The following CACTIN variants were observed in gnomAD, a reference collection of about 807,000 sequenced individuals.
The protein encoded by CACTIN is cactin, spliceosome C complex subunit.
Under a neutral mutation model 84.9 loss-of-function variants are expected in CACTIN, and 20 were observed. The ratio of observed to expected loss-of-function variants is 0.24; its 90% confidence interval spans 0.17 to 0.34. The LOEUF is 0.34. Among genes scored for constraint, CACTIN ranks in the 10% least tolerant of loss-of-function variants. The pLI, the probability that CACTIN is intolerant of heterozygous loss-of-function variation, is 1.00. For synonymous variants in CACTIN, 549 were observed against 467.9 expected, an observed-to-expected ratio of 1.17 and a Z score of -2.24; for missense variants, 897 against 1,117.2, an observed-to-expected ratio of 0.80 and a Z score of 2.81.
At chr19:3,621,098 G>A (rs1383908984) in intron 2 of CACTIN, 2 of 503,430 alleles carry the variant, frequency 4.0e-6, no homozygotes, top group Non-Finnish European at 7.3e-6. Context: ...GGAGGGCCTT[G>A]CTCGGGGCCA....
Position 3,611,077 on chromosome 19 carries a change from C to T in CACTIN, c.*846G>A, listed in dbSNP as rs1286462861. ...GTGAGCAGGCCAGGTGGGGGGATCC[C>T]TGGGGGAAGCCCCTCACCCTTCTCC... On this transcript the variant is annotated 3_prime_UTR_variant, in exon 10 of 10. Transcript: ENST00000429344. 6.7e-5 allele frequency: 27 copies of T among 400,564 alleles called. No homozygotes were observed. The highest frequency in any genetic ancestry group is 4.9e-4 in the South Asian group (27 of 55,064). The allele number at this position is 400,564 out of a possible 1,614,324, so 24.8% of individuals were successfully genotyped here.
Position 3,620,238 on chromosome 19 carries a change from T to C in CACTIN, c.773A>G (p.Lys258Arg). The change falls in exon 4 of 10, where the codon AAG becomes AGG. Residue 258 changes from lysine (K) to arginine (R), a missense_variant. Physicochemically the swap from Lys to Arg is conservative, Grantham distance 26. Transcript: ENST00000429344. Reference protein sequence around the residue: ...KQLRLEREREKAMREQELEML... With the variant: ...KQLRLERERERAMREQELEML... ...CTCCAGCTCCTGCTCGCGCATGGCC[T>C]TCTCCCGCTCCCGCTCCAGCCGCAG... 2 of 1,591,502 alleles carry C rather than the reference T, an allele frequency of 1.3e-6. No homozygotes were observed. The highest frequency in any genetic ancestry group is 1.7e-6 in the Non-Finnish European group (2 of 1,172,984).
rs570647466 is a variant in CACTIN at position 3,626,319 on chromosome 19, G to A, written c.167+277C>T. 3.3e-5 allele frequency among the ~76,000 whole-genome samples: 5 copies of A among 152,326 alleles called. 1 individual carries two copies. Among genetic ancestry groups the A allele is most frequent in the African/African-American group, 1.2e-4 (5 of 41,578 alleles). On this transcript the variant is annotated intron_variant, in intron 1 of 9. Coordinates refer to ENST00000429344, the MANE Select transcript of CACTIN (RefSeq NM_001080543.2). ...AGATCTAATGTGCTGAGCACACAGG[G>A]CTCGATATGATATGATCTGATCTCT...
rs759483992 is a variant in CACTIN at position 3,613,072 on chromosome 19, T to A, written c.1772A>T (p.Gln591Leu). The A allele has an allele frequency of 3.2e-6, 5 of 1,542,112 alleles. No homozygotes were observed. Among genetic ancestry groups the A allele is most frequent in the Non-Finnish European group, 4.4e-6 (5 of 1,148,048 alleles). The change falls in exon 9 of 10, where the codon CAG (glutamine) becomes CTG (leucine). Residue 591 changes from glutamine (Q) to leucine (L), a missense_variant. By Grantham distance (113) the Gln-to-Leu change is moderately radical. Around this residue, in one of 8 missense-constraint regions of CACTIN, gnomAD observed 243 missense variants for 239.9 expected, o/e 1.01. Transcript: ENST00000429344. ...DLQRLQLSRQ[Q>L]LQVTGDASES... ...CCCGCCCTTACCCGTGACCTGGAGC[T>A]GCTGGCGCGAGAGCTGCAGGCGCTG...
rs575199885 is a variant in CACTIN, at chr19:3,619,743, G to A, written c.884+384C>T. ...AGGGAACCCGTCACCAGGGAGGCCC[G>A]AGCTGGGAGGAGCCTGATGTCACCC... On this transcript the variant is annotated intron_variant, in intron 4 of 9. Transcript: ENST00000429344. 8.3e-4 allele frequency among the ~76,000 whole-genome samples: 127 copies of A among 152,198 alleles called. 1 individual carries two copies. Among genetic ancestry groups the A allele is most frequent in the African/African-American group, 3.0e-3 (124 of 41,536 alleles).
Position 3,611,783 on chromosome 19 carries a change from G to T in CACTIN, c.*140C>A. On this transcript the variant is annotated 3_prime_UTR_variant, in exon 10 of 10. Coordinates refer to ENST00000429344, the MANE Select transcript of CACTIN (RefSeq NM_001080543.2). ...TTATATAGGAGGAAACTGAGGCCTG[G>T]CGAAAGAAAGATGCGGCCTGAGGTG... 1 of 1,108,120 alleles carries T rather than the reference G, an allele frequency of 9.0e-7. No individual in the cohort carries two copies. The highest frequency in any genetic ancestry group is 1.3e-6 in the Non-Finnish European group (1 of 756,534). The allele number at this position is 1,108,120 out of a possible 1,614,324, so 68.6% of individuals were successfully genotyped here. A position where few individuals can be genotyped will look rare whatever the true frequency, so the allele number is the denominator to read the frequency against.
chr19:3,613,866 CAGG>C, intron 7 of CACTIN: 1 of 513,292 alleles, frequency 1.9e-6, no homozygotes, highest in Admixed American at 3.6e-5. Flanking sequence ...TGGGGCTGGC[CAGG>C]AGAAGGGGCC....
At chr19:3,624,292 G>C (rs558296222) in intron 1 of CACTIN, 130 bp from the exon 2 acceptor site, 2 of 816,100 alleles carry the variant, frequency 2.5e-6, no homozygotes, top group South Asian at 1.8e-5. Flanking sequence ...CCCAAATACC[G>C]ATGGCTTCTG....
chr19:3,621,550 T>C (rs1313134330), intron 2 of CACTIN, among the ~76,000 whole-genome samples: 2 of 152,174 alleles, frequency 1.3e-5, no homozygotes, highest in Non-Finnish European at 2.9e-5. Context: ...CTCTGTGGTC[T>C]ATCCAACCCA....
intron 9 of CACTIN, 122 bp downstream of exon 9, chr19:3,612,936 G>A (rs982310292): frequency 1.7e-6 from 2 of 1,197,230 alleles, no homozygotes; most frequent in African/African-American, 3.0e-5. Context: ...GAGACCCGGG[G>A]GAGAAGCAGC....
chr19:3,620,210 C>T lies in CACTIN; in HGVS notation c.801G>A (p.Met267Ile). Residue 267 changes from methionine (M) to isoleucine (I), a missense_variant, in exon 4 of 10, where the codon ATG becomes ATA. By Grantham distance (10) the Met-to-Ile change is conservative. Transcript: ENST00000429344. ...EKAMREQELE[M>I]LQREKEAEHF... Reference sequence around the variant, plus strand: ...GCTCTGCCTCCTTCTCGCGCTGCAGCATCTCCAGCTCCTGCTCGCGCATGG... The same window carrying T: ...GCTCTGCCTCCTTCTCGCGCTGCAGTATCTCCAGCTCCTGCTCGCGCATGG... 6.2e-7 allele frequency: 1 copy of T among 1,608,054 alleles called. No homozygotes were observed. Among genetic ancestry groups the T allele is most frequent in the Non-Finnish European group, 8.5e-7 (1 of 1,178,836 alleles).
chr19:3,620,753 T>C lies in CACTIN; in HGVS notation c.692A>G (p.Glu231Gly). 2 of 1,613,520 alleles carry C rather than the reference T, an allele frequency of 1.2e-6. No homozygotes were observed. Among genetic ancestry groups the C allele is most frequent in the Non-Finnish European group, 1.7e-6 (2 of 1,179,890 alleles). The part of the protein sequence containing the change: ...ISHLEEKELK[E>G]RNKRIQEDNR... ...GTCCTCCTGGATCCTCTTGTTCCGC[T>C]CCTTCAGCTCCTTCTCCTCCAGGTG... The change falls in exon 3 of 10, where the codon GAG (glutamate) becomes GGG (glycine). Residue 231 changes from glutamate to glycine, a missense_variant. Around this residue, in one of 8 missense-constraint regions of CACTIN, gnomAD observed 304 missense variants for 444.3 expected, o/e 0.68. Transcript: ENST00000429344.
At chr19:3,622,434 C>T (rs1293059586) in intron 2 of CACTIN, among the ~76,000 whole-genome samples, 1 of 148,812 alleles carries the variant, frequency 6.7e-6, no homozygotes, top group East Asian at 2.0e-4. Flanking sequence ...CTGGAGGTGG[C>T]GGGCCCTCAT....
chr19:3,612,704 G>C, intron 9 of CACTIN: 1 of 700,440 alleles, frequency 1.4e-6, no homozygotes, highest in Non-Finnish European at 2.6e-6. Context: ...GCCTGGCTGC[G>C]GGATCCAGCC....
chr19:3,621,471 T>A (rs2033223849), intron 2 of CACTIN, among the ~76,000 whole-genome samples: 1 of 152,192 alleles, frequency 6.6e-6, no homozygotes, highest in South Asian at 2.1e-4. Flanking sequence ...CAGGAACCCC[T>A]GCCGCCCAGA....
intron 9 of CACTIN, 73 bp downstream of exon 9, chr19:3,612,985 A>C: frequency 4.0e-6 from 6 of 1,489,198 alleles, no homozygotes; most frequent in South Asian, 1.2e-5. Flanking sequence ...TCGGCCGGGA[A>C]ATGAGGCTGG....
At position 3,613,107 on chromosome 19, in the gene CACTIN, A is replaced by T. The variant is rs374814542; in HGVS notation, c.1737T>A (p.Asp579Glu). ...LPLDAHVLEP[D>E]EDLQRLQLSR... is the part of the protein sequence containing the mutation. ...AGAGCTGCAGGCGCTGCAGGTCCTC[A>T]TCCGGTTCCAGCACGTGCGCGTCCA... is the stretch of plus-strand genomic sequence containing the variant. Residue 579 changes from aspartate (D) to glutamate (E), a missense_variant, in exon 9 of 10, where the codon GAT becomes GAA. This residue lies in a region of CACTIN where 243 missense variants were observed against 239.9 expected (regional missense o/e 1.01). Transcript: ENST00000429344. The T allele has an allele frequency of 4.2e-5, 68 of 1,600,650 alleles. No individual in the cohort carries two copies. The highest frequency in any genetic ancestry group is 6.7e-5 in the Admixed American group (4 of 59,628).
In CACTIN at chr19:3,624,056, C is replaced by T. The variant is rs1274168626; in HGVS notation, c.274G>A (p.Glu92Lys). Residue 92 changes from glutamate to lysine, a missense_variant, in exon 2 of 10, where the codon GAG becomes AAG. By Grantham distance (56) the Glu-to-Lys change is moderately conservative. Around this residue, in one of 8 missense-constraint regions of CACTIN, gnomAD observed 261 missense variants for 243.8 expected, o/e 1.07. Transcript: ENST00000429344. ...RDGSSQSDSG[E>K]EQSRGQWARR... ...GCCCACTGGCCCCGTGACTGCTCCT[C>T]TCCTGAGTCCGACTGAGAGGACCCA... 1 of 1,604,472 alleles carries T rather than the reference C, an allele frequency of 6.2e-7. No homozygotes were observed. The highest frequency in any genetic ancestry group is 1.7e-5 in the Admixed American group (1 of 60,028).
At chr19:3,624,261 G>T in intron 1 of CACTIN, 99 bp from the exon 2 acceptor site, 1 of 1,139,858 alleles carries the variant, frequency 8.8e-7, no homozygotes, top group Non-Finnish European at 1.2e-6. Flanking sequence ...ACTGTTCTAG[G>T]TTCTGGGGAC....
Sources: allele counts gnomAD v4.1 joint callset (sites outside exome capture counted in the v4.1 genomes callset), GRCh38; gene constraint gnomAD v4.1.1; regional missense constraint gnomAD v4.1.1; transcripts MANE v1.5; gene names NCBI Gene and HGNC (gene_info 2026-07-23, HGNC 2026-07-21).